The following EHBP1 variants were observed in gnomAD, a reference collection of about 807,000 sequenced individuals.
EHBP1 encodes the protein EH domain-binding protein 1.
In EHBP1, 55 loss-of-function variants were observed where a neutral mutation model predicts 144.0. That is an observed-to-expected ratio of 0.38 (90% CI 0.31 to 0.48). EHBP1 has a LOEUF of 0.48. Among genes scored for constraint, EHBP1 ranks in the 20% least tolerant of loss-of-function variants. EHBP1 has a pLI of 0.98. For synonymous variants in EHBP1, 469 were observed against 472.7 expected (o/e 0.99, Z 0.10); for missense variants, 1,200 against 1,364.2 (o/e 0.88, Z 1.90).
At chr2:62,734,399 CT>C (rs70962792) in intron 2 of EHBP1, among the ~76,000 whole-genome samples, 3,376 of 127,680 alleles carry the variant, frequency 0.026, 75 homozygotes, top group African/African-American at 0.072. Context: ...TGGCATGTGT[CT>C]TTTTTTTTTT....
At chr2:62,844,282 A>G (rs976889260) in intron 7 of EHBP1, among the ~76,000 whole-genome samples, 1 of 152,128 alleles carries the variant, frequency 6.6e-6, no homozygotes, top group Non-Finnish European at 1.5e-5. Flanking sequence ...AAATCCCTAC[A>G]CTGTTCTGAG....
Position 62,707,257 on chromosome 2 carries a change from C to T in EHBP1, c.66C>T (p.Ala22=). Residue 22 remains alanine (A), a synonymous_variant, in exon 2 of 23, where the codon GCC becomes GCT. Transcript: ENST00000431489. ...ATGCATCCAAGTTCCAGTTTGTGGC[C>T]TCCTACCAGGAGCTCATGGTTGAGT... The part of the protein sequence containing the change: ...GKHASKFQFV[A]SYQELMVECT... 1 of 1,614,190 alleles carries T rather than the reference C, an allele frequency of 6.2e-7. No homozygotes were observed. The highest frequency in any genetic ancestry group is 8.5e-7 in the Non-Finnish European group (1 of 1,179,998).
chr2:62,899,937 C>G (rs560825495), intron 10 of EHBP1, among the ~76,000 whole-genome samples: 32 of 152,308 alleles, frequency 2.1e-4, no homozygotes, highest in African/African-American at 7.5e-4. Context: ...GCTGTTGTCT[C>G]CACTTTACAA....
rs570715468 is a variant in EHBP1, at chr2:62,773,850, C to CAAAAAAAAAAAAAAAAAAAAA, written c.312+2473_312+2493dup. Among the ~76,000 whole-genome samples the CAAAAAAAAAAAAAAAAAAAAA allele has an allele frequency of 9.6e-5, 4 of 41,552 alleles. 1 individual carries two copies. The highest frequency in any genetic ancestry group is 4.1e-5 in the Non-Finnish European group (1 of 24,258). The allele number at this position is 41,552 out of a possible 152,430, so 27.3% of individuals were successfully genotyped here. ...TAGGTGATACAGCAAGACTCCATCT[C>CAAAAAAAAAAAAAAAAAAAAA]AAAAAAAAAAAAAAAAAAAAAAAAA... On this transcript the variant is annotated intron_variant, in intron 5 of 22. Coordinates refer to ENST00000431489, the MANE Select transcript of EHBP1 (RefSeq NM_001142616.3).
rs1415650820 is a variant in EHBP1, at chr2:63,046,399, C to T, written c.*899C>T. 6.6e-6 allele frequency: 1 copy of T among 152,618 alleles called. No homozygotes were observed. The highest frequency in any genetic ancestry group is 6.5e-5 in the Admixed American group (1 of 15,276). The allele number at this position is 152,618 out of a possible 1,614,324, so 9.5% of individuals were successfully genotyped here. On this transcript the variant is annotated 3_prime_UTR_variant, in exon 23 of 23. Coordinates refer to ENST00000431489, the MANE Select transcript of EHBP1 (RefSeq NM_001142616.3). Reference sequence around the variant, plus strand: ...ATTTTCTTCTTTAGCATAGCACTGTCATTTTTTGTGAAAATGGTTATGTTT... The same window carrying T: ...ATTTTCTTCTTTAGCATAGCACTGTTATTTTTTGTGAAAATGGTTATGTTT...
intron 7 of EHBP1, among the ~76,000 whole-genome samples, chr2:62,850,214 T>G (rs970405361): frequency 6.6e-6 from 1 of 152,212 alleles, no homozygotes; most frequent in Admixed American, 6.5e-5. Context: ...TAGACCATCT[T>G]AAAATAAGAC....
chr2:62,931,284 A>G (rs984781647), intron 10 of EHBP1, among the ~76,000 whole-genome samples: 1 of 152,226 alleles, frequency 6.6e-6, no homozygotes, highest in Admixed American at 6.5e-5. Flanking sequence ...GCTCGACATC[A>G]CTAATTATTG....
rs554689345 is a variant in EHBP1, at chr2:62,905,241, AG to A, written c.1185+30711del. Among the ~76,000 whole-genome samples the A allele has an allele frequency of 8.1e-4, 123 of 152,314 alleles. 1 individual carries two copies. The highest frequency in any genetic ancestry group is 8.0e-3 in the Admixed American group (123 of 15,288). The stretch of plus-strand genomic sequence containing the variant: ...AGTAACATTTATGCTGAGATCTAAA[AG>A]GTGAGAATGGGTTAGCCAGTAGGAC... On this transcript the variant is annotated intron_variant, in intron 10 of 22. Transcript: ENST00000431489.
intron 5 of EHBP1, among the ~76,000 whole-genome samples, chr2:62,779,919 C>A (rs1161783035): frequency 2.0e-5 from 3 of 152,086 alleles, no homozygotes; most frequent in Non-Finnish European, 4.4e-5. Context: ...AAACTTATTT[C>A]ATCAATTCTT....
chr2:62,919,676 C>T (rs2054909796), intron 10 of EHBP1, among the ~76,000 whole-genome samples: 1 of 152,056 alleles, frequency 6.6e-6, no homozygotes, highest in Non-Finnish European at 1.5e-5. Flanking sequence ...CCAAGAGGAA[C>T]TGTACCTGAG....
intron 14 of EHBP1, among the ~76,000 whole-genome samples, chr2:62,960,110 AG>A (rs2057922739): frequency 6.6e-6 from 1 of 152,204 alleles, no homozygotes; most frequent in African/African-American, 2.4e-5. Context: ...TGTAAAGAAG[AG>A]ATAACTGGGA....
intron 10 of EHBP1, among the ~76,000 whole-genome samples, chr2:62,903,418 G>A (rs2053562062): frequency 6.6e-6 from 1 of 152,062 alleles, no homozygotes; most frequent in South Asian, 2.1e-4. Context: ...GTTTTAATGA[G>A]TGATTAAAAA....
intron 14 of EHBP1, among the ~76,000 whole-genome samples, chr2:62,968,039 C>G (rs1182850813): frequency 6.6e-6 from 1 of 152,042 alleles, no homozygotes; most frequent in Admixed American, 6.6e-5. Context: ...AAGTACTGAT[C>G]GTAATGGATA....
chr2:62,819,785 C>T (rs1573519178), intron 5 of EHBP1, among the ~76,000 whole-genome samples: 1 of 144,962 alleles, frequency 6.9e-6, no homozygotes, highest in African/African-American at 2.5e-5. Context: ...AAAAAAAAAA[C>T]CCGCGACAAC....
intron 14 of EHBP1, among the ~76,000 whole-genome samples, chr2:62,958,641 A>G (rs1351143822): frequency 2.0e-5 from 3 of 152,212 alleles, no homozygotes; most frequent in Non-Finnish European, 2.9e-5. Flanking sequence ...ACATTTGTTA[A>G]AACATCAAAT....
intron 3 of EHBP1, 141 bp from the exon 4 acceptor site, chr2:62,764,125 T>C: frequency 1.7e-6 from 1 of 575,280 alleles, no homozygotes; most frequent in Non-Finnish European, 2.8e-6. Flanking sequence ...TCAGGGATAC[T>C]ACATAGGGTC....
intron 1 of EHBP1, chr2:62,706,556 G>T (rs1389678260): frequency 6.6e-6 from 1 of 152,272 alleles, no homozygotes; most frequent in Non-Finnish European, 1.5e-5. Flanking sequence ...CTTTCTGGCG[G>T]TGGACATTAA....
chr2:62,975,862 T>C (rs2710636), intron 14 of EHBP1, among the ~76,000 whole-genome samples: 124,776 of 150,566 alleles, frequency 0.83, 51,995 homozygotes, highest in African/African-American at 0.92. Flanking sequence ...CCACTGCATT[T>C]CAGCCTGGAT....
intron 1 of EHBP1, among the ~76,000 whole-genome samples, chr2:62,676,478 C>T (rs1172058295): frequency 6.6e-6 from 1 of 152,162 alleles, no homozygotes; most frequent in Non-Finnish European, 1.5e-5. Context: ...CAGTGATGGT[C>T]ACCTAATTTG....
Sources: allele counts gnomAD v4.1 joint callset (sites outside exome capture counted in the v4.1 genomes callset), GRCh38; gene constraint gnomAD v4.1.1; transcripts MANE v1.5; gene names NCBI Gene and HGNC (gene_info 2026-07-23, HGNC 2026-07-21).